LRP6: variants seen among roughly 807,000 people sequenced by gnomAD.
The protein encoded by LRP6 is LDL receptor related protein 6, also known as low-density lipoprotein receptor-related protein 6.
In LRP6, 43 loss-of-function variants were observed where a neutral mutation model predicts 184.1. The ratio of observed to expected loss-of-function variants is 0.23; its 90% CI spans 0.18 to 0.30. The LOEUF (loss-of-function observed/expected upper bound fraction) is 0.30, where lower values mean the gene tolerates loss of function less well. Ranked by LOEUF, LRP6 falls within the 10% of genes least tolerant of loss-of-function variation. LRP6 has a pLI of 1.00. For missense variants in LRP6, 1,571 were observed against 2,005.3 expected (o/e 0.78, Z 4.14); for synonymous variants, 719 against 684.9 (o/e 1.05, Z -0.78).
At chr12:12,262,210 C>T (rs1425847411) in intron 1 of LRP6, among the ~76,000 whole-genome samples, 1 of 152,098 alleles carries the variant, frequency 6.6e-6, no homozygotes, top group African/African-American at 2.4e-5. Context: ...GAAAGCCCGT[C>T]TCTACTAAAA....
intron 12 of LRP6, among the ~76,000 whole-genome samples, chr12:12,153,974 G>A (rs184171586): frequency 1.3e-5 from 2 of 152,328 alleles, no homozygotes; most frequent in African/African-American, 2.4e-5. Flanking sequence ...CAGGGGCATT[G>A]AGTAGGAACT....
At chr12:12,128,359 CAG>C (rs1016787763) in intron 19 of LRP6, among the ~76,000 whole-genome samples, 12 of 152,204 alleles carry the variant, frequency 7.9e-5, no homozygotes, top group African/African-American at 2.9e-4. Flanking sequence ...AGGTGCTTCC[CAG>C]AGAGATTTCT....
Position 12,183,937 on chromosome 12 carries a change from C to T in LRP6, c.976+43G>A. Reference sequence around the variant, plus strand: ...TAGAGAAAACAAATCATGAAGAATTCCAATAGTTATAAAATTTTTCATTTT... The same window carrying T: ...TAGAGAAAACAAATCATGAAGAATTTCAATAGTTATAAAATTTTTCATTTT... On this transcript the variant is annotated intron_variant, in intron 5 of 22. Transcript: ENST00000261349. 3.8e-6 allele frequency: 6 copies of T among 1,569,722 alleles called. No homozygotes were observed. In the African/African-American group the frequency reaches 4.1e-5, roughly 11 times the overall value.
At chr12:12,259,496 C>G (rs185300571) in intron 1 of LRP6, among the ~76,000 whole-genome samples, 1 of 152,062 alleles carries the variant, frequency 6.6e-6, no homozygotes, top group South Asian at 2.1e-4. Flanking sequence ...TATGATACCG[C>G]TAAAAGGATC....
chr12:12,171,532 AAAAT>A (rs150432884), intron 7 of LRP6, among the ~76,000 whole-genome samples: 4,995 of 147,376 alleles, frequency 0.034, 186 homozygotes, highest in African/African-American at 0.09. Flanking sequence ...AAAAAAAAAT[AAAAT>A]AAATAAATAA....
At chr12:12,132,204 T>G (rs1400335545) in intron 17 of LRP6, 147 bp from the exon 18 acceptor site, 2 of 682,776 alleles carry the variant, frequency 2.9e-6, no homozygotes, top group Non-Finnish European at 5.3e-6. Context: ...TCTCATCTAT[T>G]CAAAGAAGAA....
chr12:12,245,997 T>C (rs546365017), intron 1 of LRP6, among the ~76,000 whole-genome samples: 392 of 16,376 alleles, frequency 0.024, 2 homozygotes, highest in African/African-American at 0.039. Context: ...TTATATAAAC[T>C]TTTTTTTTTT....
At chr12:12,205,727 A>G (rs1242189298) in intron 2 of LRP6, among the ~76,000 whole-genome samples, 1 of 152,262 alleles carries the variant, frequency 6.6e-6, no homozygotes, top group African/African-American at 2.4e-5. Context: ...TAAATGAAGA[A>G]CAGAAATTCA....
At chr12:12,191,535 C>T (rs530613913) in intron 3 of LRP6, among the ~76,000 whole-genome samples, 6 of 152,110 alleles carry the variant, frequency 3.9e-5, no homozygotes, top group Non-Finnish European at 5.9e-5. Flanking sequence ...AACATCAAAT[C>T]CCATTAATAA....
At chr12:12,243,395 A>G (rs1236191979) in intron 2 of LRP6, among the ~76,000 whole-genome samples, 2 of 152,234 alleles carry the variant, frequency 1.3e-5, no homozygotes, top group Non-Finnish European at 2.9e-5. Context: ...AACGCTTCAG[A>G]GTGTAACAAA....
rs760476999 is a variant in LRP6 at position 12,184,086 on chromosome 12, A to G, written c.870T>C (p.Asn290=). 3 of 1,613,662 alleles carry G rather than the reference A, an allele frequency of 1.9e-6. No individual in the cohort carries two copies. The Admixed American group carries it at 5.0e-5, about 27-fold the overall frequency. Residue 290 remains asparagine (N), a synonymous_variant, in exon 5 of 23, where the codon AAT becomes AAC. Transcript: ENST00000261349. ...TCAAACACAAATGGGAACAACCCCC[A>G]TTGTCAATTCCACATGGATTTGTGG... ...PNATNPCGID[N]GGCSHLCLMS...
In LRP6 at chr12:12,130,871, G is replaced by C; in HGVS notation, c.3993C>G (p.Phe1331Leu). The change falls in exon 19 of 23, where the codon TTC becomes TTG. Residue 1331 changes from phenylalanine to leucine, a missense_variant. By Grantham distance (22) the Phe-to-Leu change is conservative. Around this residue, in one of 4 missense-constraint regions of LRP6, gnomAD observed 763 missense variants for 859.5 expected, o/e 0.89. Coordinates refer to ENST00000261349, the MANE Select transcript of LRP6 (RefSeq NM_002336.3). ...CAATGCACTGACCATTGGCACAGCG[G>C]AACTGATCAATTAAACAAAGCACTG... ...NCEVLCLIDQ[F>L]RCANGQCIGK... 6.2e-7 allele frequency: 1 copy of C among 1,607,122 alleles called. No homozygotes were observed. The highest frequency in any genetic ancestry group is 8.5e-7 in the Non-Finnish European group (1 of 1,173,748).
intron 12 of LRP6, among the ~76,000 whole-genome samples, chr12:12,156,304 G>T (rs1239882389): frequency 1.3e-5 from 2 of 152,188 alleles, no homozygotes; most frequent in Admixed American, 1.3e-4. Context: ...TAAACAAGCA[G>T]TTCAACAGTC....
At chr12:12,240,049 CA>C (rs111794052) in intron 2 of LRP6, among the ~76,000 whole-genome samples, 2,977 of 151,152 alleles carry the variant, frequency 0.02, 102 homozygotes, top group African/African-American at 0.063. Context: ...CACACACACA[CA>C]AAGAGACACA....
intron 3 of LRP6, among the ~76,000 whole-genome samples, chr12:12,190,387 A>C (rs1284401877): frequency 6.6e-6 from 1 of 152,216 alleles, no homozygotes; most frequent in East Asian, 1.9e-4. Flanking sequence ...ATGGATCACC[A>C]AACTGGGGAC....
intron 6 of LRP6, 121 bp from the exon 7 acceptor site, chr12:12,180,102 GA>G (rs377273579): frequency 0.064 from 33,252 of 516,808 alleles, 15 homozygotes; most frequent in East Asian, 0.072. Flanking sequence ...CAAGGAAGGG[GA>G]AAAAAAAAAA....
At chr12:12,220,858 C>A (rs1388727033) in intron 2 of LRP6, among the ~76,000 whole-genome samples, 3 of 152,158 alleles carry the variant, frequency 2.0e-5, no homozygotes. Flanking sequence ...CCTCAGTCTC[C>A]GAAAGTGCTG....
At chr12:12,206,426 C>T (rs1416606010) in intron 2 of LRP6, among the ~76,000 whole-genome samples, 1 of 151,810 alleles carries the variant, frequency 6.6e-6, no homozygotes, top group Non-Finnish European at 1.5e-5. Flanking sequence ...GCCTATAGTC[C>T]CAGCTACTCG....
chr12:12,185,969 C>T (rs1863461656), intron 4 of LRP6, among the ~76,000 whole-genome samples: 2 of 151,760 alleles, frequency 1.3e-5, no homozygotes, highest in Admixed American at 1.3e-4. Context: ...CCTCAGCCTC[C>T]CAAGTAGCTG....
Sources: allele counts gnomAD v4.1 joint callset (sites outside exome capture counted in the v4.1 genomes callset), GRCh38; gene constraint gnomAD v4.1.1; regional missense constraint gnomAD v4.1.1; transcripts MANE v1.5; gene names NCBI Gene and HGNC (gene_info 2026-07-23, HGNC 2026-07-21).